PIK3C2G: variants seen among roughly 807,000 people sequenced by gnomAD.
PIK3C2G encodes phosphatidylinositol 3-kinase C2 domain-containing subunit gamma.
A neutral mutation model predicts 181.1 loss-of-function variants in PIK3C2G; 168 were observed. The ratio of observed to expected loss-of-function variants is 0.93; its 90% CI spans 0.82 to 1.05. The LOEUF is 1.05. PIK3C2G is among the 50% of genes least tolerant of loss of function. PIK3C2G has a pLI of 0.00. For synonymous variants in PIK3C2G, 573 were observed against 592.2 expected, an observed-to-expected ratio of 0.97 and a Z score of 0.47; for missense variants, 1,869 against 1,732.8, an observed-to-expected ratio of 1.08 and a Z score of -1.40.
At chr12:18,418,009 A>C (rs1945277665) in intron 16 of PIK3C2G, among the ~76,000 whole-genome samples, 1 of 152,242 alleles carries the variant, frequency 6.6e-6, no homozygotes, top group East Asian at 1.9e-4. Context: ...AATTGACTTT[A>C]TAGTAGTATT....
rs757737948 is a variant in PIK3C2G, at chr12:18,282,272, T to C, written c.191T>C (p.Phe64Ser). Reference protein sequence around the residue: ...YESEIDENTFFVPTAPKWDST... With the variant: ...YESEIDENTFSVPTAPKWDST... Reference sequence around the variant, plus strand: ...AGTGAAATTGATGAAAACACCTTTTTTGTGCCCACTGCACCAAAATGGGAC... The same window carrying C: ...AGTGAAATTGATGAAAACACCTTTTCTGTGCCCACTGCACCAAAATGGGAC... Residue 64 changes from phenylalanine to serine, a missense_variant, in exon 2 of 33, where the codon TTT (phenylalanine) becomes TCT (serine). Physicochemically the swap from Phe to Ser is radical, Grantham distance 155. Transcript: ENST00000538779. 1.9e-6 allele frequency: 3 copies of C among 1,613,738 alleles called. No homozygotes were observed. The highest frequency in any genetic ancestry group is 3.3e-5 in the Admixed American group (2 of 59,976).
At chr12:18,707,370 G>A in the PIK3C2G span, among the ~76,000 whole-genome samples, 1 of 152,218 alleles carries the variant, frequency 6.6e-6, no homozygotes, top group South Asian at 2.1e-4. Flanking sequence ...CAAAGTGATG[G>A]CCTAAAAGGT....
intron 13 of PIK3C2G, among the ~76,000 whole-genome samples, chr12:18,374,815 GT>G (rs1034271063): frequency 3.3e-5 from 5 of 152,090 alleles, no homozygotes; most frequent in Admixed American, 1.3e-4. Flanking sequence ...ACAAGGTCTG[GT>G]TGTTTGGAAG....
intron 2 of PIK3C2G, chr12:18,285,179 T>C (rs1424529417): frequency 6.6e-6 from 1 of 152,126 alleles, no homozygotes; most frequent in Non-Finnish European, 1.5e-5. Context: ...AGAAAACTTG[T>C]CACTCAAAAC....
intron 1 of PIK3C2G, among the ~76,000 whole-genome samples, chr12:18,279,046 T>A (rs891538957): frequency 5.3e-5 from 8 of 152,034 alleles, no homozygotes; most frequent in Admixed American, 2.6e-4. Flanking sequence ...TAATAAAAAT[T>A]AAAAAGTTTT....
chr12:18,613,322 A>C (rs946803878), intron 31 of PIK3C2G, among the ~76,000 whole-genome samples: 1 of 152,070 alleles, frequency 6.6e-6, no homozygotes, highest in Non-Finnish European at 1.5e-5. Flanking sequence ...GGCTCTTAGA[A>C]CAAGGAGCAA....
chr12:18,352,822 C>G (rs1315131113), intron 11 of PIK3C2G, among the ~76,000 whole-genome samples: 4 of 152,184 alleles, frequency 2.6e-5, no homozygotes, highest in Admixed American at 2.6e-4. Flanking sequence ...CAAGCCACCC[C>G]TCTGAAGTCA....
the PIK3C2G span, among the ~76,000 whole-genome samples, chr12:18,711,863 A>G: frequency 6.6e-6 from 1 of 152,092 alleles, no homozygotes; most frequent in African/African-American, 2.4e-5. Context: ...TAGAAACTAC[A>G]TGTTTAGGAG....
chr12:18,483,559 GT>G (rs933407098), intron 18 of PIK3C2G, among the ~76,000 whole-genome samples: 18 of 151,894 alleles, frequency 1.2e-4, no homozygotes, highest in South Asian at 4.2e-4. Flanking sequence ...TACTTTTATA[GT>G]TTTTTTTATC....
rs746002413 is a variant in PIK3C2G, at chr12:18,346,758, A to T, written c.1547A>T (p.Tyr516Phe). 6.2e-7 allele frequency: 1 copy of T among 1,613,678 alleles called. No homozygotes were observed. Among genetic ancestry groups the T allele is most frequent in the Non-Finnish European group, 8.5e-7 (1 of 1,179,718 alleles). The stretch of plus-strand genomic sequence containing the variant: ...GTAAATGTACCTAGATGCACTTCCT[A>T]TCTAAATCCCGGGCTTCCTTCCCAC... ...QPVNVPRCTS[Y>F]LNPGLPSHLS... Residue 516 changes from tyrosine to phenylalanine, a missense_variant, in exon 11 of 33, where the codon TAT becomes TTT. Physicochemically the swap from Tyr to Phe is conservative, Grantham distance 22 (BLOSUM62 3). Coordinates refer to ENST00000538779, the MANE Select transcript of PIK3C2G (RefSeq NM_001288772.2).
At chr12:18,561,133 A>T (rs1864330751) in intron 26 of PIK3C2G, among the ~76,000 whole-genome samples, 1 of 152,262 alleles carries the variant, frequency 6.6e-6, no homozygotes, top group South Asian at 2.1e-4. Flanking sequence ...TTACTGGAAC[A>T]TGAGTTTCAG....
chr12:18,304,430 T>C (rs1174836821), intron 5 of PIK3C2G, among the ~76,000 whole-genome samples: 1 of 152,184 alleles, frequency 6.6e-6, no homozygotes, highest in East Asian at 1.9e-4. Flanking sequence ...CTAATTTTTG[T>C]ATTTTTAGTA....
chr12:18,452,131 G>A (rs1235424183), intron 18 of PIK3C2G, among the ~76,000 whole-genome samples: 2 of 152,190 alleles, frequency 1.3e-5, no homozygotes, highest in Non-Finnish European at 2.9e-5. Flanking sequence ...GTTTGGAATA[G>A]TTTCAGAAGG....
chr12:18,624,643 A>C (rs1185880646), intron 31 of PIK3C2G, among the ~76,000 whole-genome samples: 2 of 151,682 alleles, frequency 1.3e-5, no homozygotes, highest in Non-Finnish European at 3.0e-5. Flanking sequence ...ATTTGATAGA[A>C]TACAGCAGTG....
intron 30 of PIK3C2G, among the ~76,000 whole-genome samples, chr12:18,603,843 A>G (rs573724145): frequency 2.0e-5 from 3 of 152,284 alleles, no homozygotes; most frequent in East Asian, 1.9e-4. Context: ...CCATTACCAA[A>G]TCACTACCAC....
At chr12:18,549,446 C>T (rs943219978) in intron 26 of PIK3C2G, among the ~76,000 whole-genome samples, 1 of 152,028 alleles carries the variant, frequency 6.6e-6, no homozygotes, top group African/African-American at 2.4e-5. Context: ...GCTTTTCTTA[C>T]AGTAATGTAT....
rs1413903763 is a variant in PIK3C2G at position 18,294,053 on chromosome 12, G to A, written c.1034+38G>A. 3 of 909,254 alleles carry A rather than the reference G, an allele frequency of 3.3e-6. No homozygotes were observed. The African/African-American group carries it at 5.0e-5, about 15-fold the overall frequency. The allele number at this position is 909,254 out of a possible 1,614,324, so 56.3% of individuals were successfully genotyped here. A position where few individuals can be genotyped will look rare whatever the true frequency, so the allele number is the denominator to read the frequency against. On this transcript the variant is annotated intron_variant, in intron 5 of 32. Transcript: ENST00000538779. ...TGAAATTTTGGTTGTATTATAATCT[G>A]TAAATATTAAGTTACCACTTGTTTA... is the stretch of plus-strand genomic sequence containing the variant.
chr12:18,271,206 C>T (rs924404095), intron 1 of PIK3C2G, among the ~76,000 whole-genome samples: 3 of 152,046 alleles, frequency 2.0e-5, no homozygotes, highest in Non-Finnish European at 4.4e-5. Context: ...AGACATCCTT[C>T]GCTACTGCCC....
intron 6 of PIK3C2G, among the ~76,000 whole-genome samples, chr12:18,318,648 T>C (rs938058471): frequency 2.9e-4 from 44 of 152,060 alleles, no homozygotes; most frequent in Non-Finnish European, 8.8e-5. Context: ...AATTTATTGA[T>C]ACCATTACCT....
Sources: gnomAD v4.1 joint callset for allele counts (sites outside exome capture counted in the v4.1 genomes callset) on GRCh38, gnomAD v4.1.1 for gene constraint, MANE v1.5 for transcripts, NCBI Gene and HGNC (gene_info 2026-07-23, HGNC 2026-07-21) for gene names.